AGBL1: variants seen among roughly 807,000 people sequenced by gnomAD.
AGBL1 encodes the protein AGBL carboxypeptidase 1.
AGBL1 carries 130 observed loss-of-function variants against 118.9 expected under a neutral mutation model. That is an observed-to-expected ratio of 1.09 (90% CI 0.95 to 1.26). The LOEUF (loss-of-function observed/expected upper bound fraction) is 1.26. Ranked by LOEUF, AGBL1 falls within the 50% of genes most tolerant of loss-of-function variation. The pLI, the probability that AGBL1 is intolerant of heterozygous loss-of-function variation, is 0.00. For synonymous variants in AGBL1, 555 were observed against 478.9 expected, an observed-to-expected ratio of 1.16 and a Z score of -2.08; for missense variants, 1,584 against 1,298.1, an observed-to-expected ratio of 1.22 and a Z score of -3.38.
At chr15:86,616,415 G>A (rs2084726854) in intron 21 of AGBL1, among the ~76,000 whole-genome samples, 1 of 151,574 alleles carries the variant, frequency 6.6e-6, no homozygotes, top group Non-Finnish European at 1.5e-5. Flanking sequence ...GGTGGTCATT[G>A]TATGATGTTA....
chr15:86,782,313 T>C (rs1205470855), intron 22 of AGBL1, among the ~76,000 whole-genome samples: 1 of 152,170 alleles, frequency 6.6e-6, no homozygotes, highest in African/African-American at 2.4e-5. Flanking sequence ...GTCTGAGTCA[T>C]TATTTGACTC....
chr15:86,509,298 A>T (rs1254117638), intron 18 of AGBL1, among the ~76,000 whole-genome samples: 2 of 152,082 alleles, frequency 1.3e-5, no homozygotes, highest in Non-Finnish European at 2.9e-5. Flanking sequence ...GAAGAAAAAG[A>T]TTGGGTCTGC....
intron 22 of AGBL1, among the ~76,000 whole-genome samples, chr15:86,756,695 G>A (rs1442009170): frequency 6.6e-6 from 1 of 152,032 alleles, no homozygotes; most frequent in East Asian, 1.9e-4. Context: ...TGCAGCATTT[G>A]TAAAACCTGG....
chr15:86,653,707 T>C (rs570246015), intron 21 of AGBL1, among the ~76,000 whole-genome samples: 1 of 152,198 alleles, frequency 6.6e-6, no homozygotes, highest in Admixed American at 6.5e-5. Flanking sequence ...AGCCAGCATA[T>C]CAAGTATGAG....
rs145352666 is a variant in AGBL1 at position 86,704,837 on chromosome 15, G to A, written c.3158+30401G>A. Among the ~76,000 whole-genome samples the A allele has an allele frequency of 1.1e-4, 16 of 152,318 alleles. No individual in the cohort carries two copies. In the East Asian group the frequency reaches 3.1e-3, roughly 29 times the overall value. On this transcript the variant is annotated intron_variant, in intron 22 of 22. Coordinates refer to ENST00000614907, the MANE Select transcript of AGBL1 (RefSeq NM_001386094.1). The stretch of plus-strand genomic sequence containing the variant: ...ACTATAAAGACACATGTACACGTAT[G>A]TTTATTGCAGCACTATTTACAATAG...
intron 22 of AGBL1, among the ~76,000 whole-genome samples, chr15:86,801,534 C>T (rs1013932551): frequency 6.6e-6 from 1 of 151,998 alleles, no homozygotes; most frequent in East Asian, 1.9e-4. Context: ...GGGATATTAC[C>T]TACTTCAATG....
rs939846445 is a variant in AGBL1 at position 86,912,317 on chromosome 15, A to G, written c.*5023A>G. ...TTGTGCAAATGCTTAGAGTGGTGAT[A>G]ATGGAGGGGTGGCATCTCCAAGGGT... On this transcript the variant is annotated 3_prime_UTR_variant, in exon 23 of 23. Coordinates refer to ENST00000614907, the MANE Select transcript of AGBL1 (RefSeq NM_001386094.1). The G allele has an allele frequency of 6.6e-6, 1 of 152,072 alleles. No individual in the cohort carries two copies. The highest frequency in any genetic ancestry group is 1.5e-5 in the Non-Finnish European group (1 of 68,018). 9.4% of individuals were successfully genotyped at this position (152,072 alleles called of 1,614,324 possible).
At position 86,674,767 on chromosome 15, in the gene AGBL1, C is replaced by G. The variant is rs572663721; in HGVS notation, c.3158+331C>G. Among the ~76,000 whole-genome samples the G allele has an allele frequency of 2.6e-5, 4 of 152,230 alleles. No individual in the cohort carries two copies. The East Asian group carries it at 7.7e-4, about 29-fold the overall frequency. ...TATGTGTTTATATGTATACAGATAA[C>G]ATTTTTGAGCCATTACTCAACAAAA... On this transcript the variant is annotated intron_variant, in intron 22 of 22. Transcript: ENST00000614907.
intron 21 of AGBL1, among the ~76,000 whole-genome samples, chr15:86,611,902 A>G (rs764686687): frequency 1.3e-5 from 2 of 152,218 alleles, no homozygotes; most frequent in Non-Finnish European, 2.9e-5. Context: ...CTTACCCTGC[A>G]TGCACAAGTG....
At chr15:86,097,500 A>C (rs1408865958) in intron 1 of AGBL1, among the ~76,000 whole-genome samples, 2 of 151,622 alleles carry the variant, frequency 1.3e-5, no homozygotes, top group Non-Finnish European at 2.9e-5. Flanking sequence ...AGCCTCTGAT[A>C]ATCAACAAGC....
At position 86,613,765 on chromosome 15, in the gene AGBL1, T is replaced by C. The variant is rs555816307; in HGVS notation, c.2994+59228T>C. Among the ~76,000 whole-genome samples the C allele has an allele frequency of 2.6e-5, 4 of 152,190 alleles. No homozygotes were observed. Among genetic ancestry groups the C allele is most frequent in the Non-Finnish European group, 5.9e-5 (4 of 68,036 alleles). ...AGCATCATCTCCATCACCAGGGAGC[T>C]TGTTAGAAATGCAGAATTTCAGACC... On this transcript the variant is annotated intron_variant, in intron 21 of 22. Coordinates refer to ENST00000614907, the MANE Select transcript of AGBL1 (RefSeq NM_001386094.1). The surrounding 1 kb of genome is among the most constrained non-coding windows in gnomAD (Gnocchi z 4.2).
At chr15:86,184,157 C>G (rs1203777335) in intron 5 of AGBL1, among the ~76,000 whole-genome samples, 1 of 152,192 alleles carries the variant, frequency 6.6e-6, no homozygotes, top group Non-Finnish European at 1.5e-5. Flanking sequence ...TGATTTTTCT[C>G]TCCATTGTTG....
chr15:86,572,558 C>T (rs545121860), intron 21 of AGBL1, among the ~76,000 whole-genome samples: 7 of 152,332 alleles, frequency 4.6e-5, no homozygotes, highest in African/African-American at 1.7e-4. Flanking sequence ...GCACCGTTCC[C>T]GCAGTGGTGG....
At chr15:86,100,992 A>G (rs1321725261) in intron 1 of AGBL1, among the ~76,000 whole-genome samples, 1 of 151,618 alleles carries the variant, frequency 6.6e-6, no homozygotes, top group African/African-American at 2.4e-5. Context: ...TGCTTTTTTG[A>G]TGTAGGCATT....
chr15:86,990,456 G>A (rs59695938), intron 24 of AGBL1, among the ~76,000 whole-genome samples: 1 of 152,060 alleles, frequency 6.6e-6, no homozygotes, highest in Non-Finnish European at 1.5e-5. Flanking sequence ...AGAGTTTGCA[G>A]TGAGCCAAGA....
chr15:86,584,552 G>T (rs556824909), intron 21 of AGBL1, among the ~76,000 whole-genome samples: 1 of 151,956 alleles, frequency 6.6e-6, no homozygotes, highest in South Asian at 2.1e-4. Context: ...TTATCTGTTT[G>T]TACCAGTACC....
intron 1 of AGBL1, among the ~76,000 whole-genome samples, chr15:86,117,085 C>T (rs1266421950): frequency 1.3e-5 from 2 of 151,694 alleles, no homozygotes; most frequent in Admixed American, 6.6e-5. Flanking sequence ...TTGGCTATGG[C>T]TCATGGGAAC....
chr15:86,772,998 G>C (rs1335951201), intron 22 of AGBL1, among the ~76,000 whole-genome samples: 1 of 151,996 alleles, frequency 6.6e-6, no homozygotes, highest in African/African-American at 2.4e-5. Flanking sequence ...GCCACTGGCA[G>C]CTGGAAGCCT....
rs985561386 is a variant in AGBL1 at position 86,706,271 on chromosome 15, T to C, written c.3158+31835T>C. On this transcript the variant is annotated intron_variant, in intron 22 of 22. Transcript: ENST00000614907. ...TCACAATAAAAACTTAAAAAATATT[T>C]TGAAAAATCCCAAGGGGTTTTTACA... 3.3e-5 allele frequency among the ~76,000 whole-genome samples: 5 copies of C among 152,060 alleles called. No individual in the cohort carries two copies. In the East Asian group the frequency reaches 9.6e-4, roughly 29 times the overall value.
Sources: allele counts gnomAD v4.1 joint callset (sites outside exome capture counted in the v4.1 genomes callset), GRCh38; gene constraint gnomAD v4.1.1; non-coding constraint Gnocchi (gnomAD v3.1); transcripts MANE v1.5; gene names NCBI Gene and HGNC (gene_info 2026-07-23, HGNC 2026-07-21).